Variants in CNTN6 observed in about 807,000 individuals in gnomAD.
CNTN6 encodes contactin 6.
In CNTN6, 137 loss-of-function variants were observed where a neutral mutation model predicts 122.8. The ratio of observed to expected loss-of-function variants is 1.12; its 90% CI spans 0.97 to 1.29. The LOEUF is 1.29. Ranked by LOEUF, CNTN6 falls within the 50% of genes most tolerant of loss-of-function variation. CNTN6 has a pLI of 0.00. For synonymous variants in CNTN6, 570 were observed against 426.0 expected (o/e 1.34, Z -4.16); for missense variants, 1,634 against 1,223.4 (o/e 1.34, Z -5.01).
At chr3:1,298,249 A>T (rs1042823650) in intron 7 of CNTN6, 7 of 373,342 alleles carry the variant, frequency 1.9e-5, no homozygotes, top group Non-Finnish European at 3.4e-5. Flanking sequence ...GCATAATGAG[A>T]CCCATTTAGG....
chr3:1,388,428 A>G (rs1459916684), intron 20 of CNTN6, among the ~76,000 whole-genome samples: 1 of 151,460 alleles, frequency 6.6e-6, no homozygotes, highest in African/African-American at 2.4e-5. Context: ...CCATCATCAA[A>G]GACCAAAAGT....
rs1259611658 is a variant in CNTN6, at chr3:1,300,386, C to A, written c.761+2395C>A. On this transcript the variant is annotated intron_variant, in intron 7 of 22. Coordinates refer to ENST00000446702, the MANE Select transcript of CNTN6 (RefSeq NM_001289080.2). The stretch of plus-strand genomic sequence containing the variant: ...GAATTCTCATCTTTCCCAGCCCAGT[C>A]CTGTTCTCTCTGTCTCAGGATTGAT... Among the ~76,000 whole-genome samples, 3 of 151,120 alleles carry A rather than the reference C, an allele frequency of 2.0e-5. No homozygotes were observed. The East Asian group carries it at 5.9e-4, about 30-fold the overall frequency.
intron 2 of CNTN6, among the ~76,000 whole-genome samples, chr3:1,169,426 G>T (rs1020813168): frequency 6.6e-6 from 1 of 152,128 alleles, no homozygotes; most frequent in African/African-American, 2.4e-5. Flanking sequence ...AATCCTCAAT[G>T]CTTGTGAGAT....
chr3:1,220,585 A>C, intron 2 of CNTN6, 102 bp from the exon 3 acceptor site: 2 of 1,011,892 alleles, frequency 2.0e-6, no homozygotes, highest in Non-Finnish European at 2.7e-6. Flanking sequence ...GTTTTAAAAT[A>C]AAATAATTTT....
At chr3:1,248,229 T>C (rs757287009) in intron 4 of CNTN6, among the ~76,000 whole-genome samples, 7 of 152,216 alleles carry the variant, frequency 4.6e-5, no homozygotes, top group Non-Finnish European at 1.0e-4. Flanking sequence ...AGTTCTCAAA[T>C]TGATGTAAGT....
At chr3:1,130,391 G>C (rs1043286182) in intron 1 of CNTN6, among the ~76,000 whole-genome samples, 8 of 152,192 alleles carry the variant, frequency 5.3e-5, no homozygotes, top group Non-Finnish European at 1.0e-4. Flanking sequence ...TAGGAAGCGT[G>C]CTTTCCTCCA....
chr3:1,294,105 T>C (rs1244791637), intron 5 of CNTN6, among the ~76,000 whole-genome samples: 1 of 152,278 alleles, frequency 6.6e-6, no homozygotes, highest in Admixed American at 6.5e-5. Context: ...CCTAGGAATC[T>C]AACCAAGAAA....
rs763516469 is a variant in CNTN6, at chr3:1,372,400, G to T, written c.1594G>T (p.Val532Leu). 2 of 1,613,156 alleles carry T rather than the reference G, an allele frequency of 1.2e-6. No homozygotes were observed. ...QVSHDPSIEV[V>L]FVWFFNGDVI... ...GTCCCATGACCCCTCCATTGAAGTG[G>T]TATTTGTATGGTTTTTCAATGGAGA... Residue 532 changes from valine to leucine, a missense_variant, in exon 13 of 23, where the codon GTA becomes TTA. Val to Leu is a conservative substitution (Grantham distance 32). Transcript: ENST00000446702.
At chr3:1,381,785 C>T (rs531802698) in intron 17 of CNTN6, among the ~76,000 whole-genome samples, 2 of 152,228 alleles carry the variant, frequency 1.3e-5, no homozygotes, top group African/African-American at 4.8e-5. Flanking sequence ...TTTTTGCCTG[C>T]TCTGTGTATA....
At chr3:1,337,455 A>G (rs1703235531) in intron 11 of CNTN6, among the ~76,000 whole-genome samples, 1 of 152,144 alleles carries the variant, frequency 6.6e-6, no homozygotes, top group South Asian at 2.1e-4. Flanking sequence ...TCAAGACAAC[A>G]TTAACCATTA....
intron 1 of CNTN6, among the ~76,000 whole-genome samples, chr3:1,099,311 T>C (rs192301307): frequency 0.012 from 1,843 of 150,772 alleles, 15 homozygotes; most frequent in African/African-American, 0.028. Context: ...ATTAGCAGGG[T>C]GTGGTGGCGG....
rs1704686504 is a variant in CNTN6, at chr3:1,346,311, T to C, written c.1365-6013T>C. On this transcript the variant is annotated intron_variant, in intron 11 of 22. Coordinates refer to ENST00000446702, the MANE Select transcript of CNTN6 (RefSeq NM_001289080.2). ...GGATTGTCCCCACTAAAACTCATAT[T>C]GAAATTTTATCTTCCATGTGGCAGT... 2.6e-5 allele frequency among the ~76,000 whole-genome samples: 4 copies of C among 152,128 alleles called. No individual in the cohort carries two copies. In the South Asian group the frequency reaches 8.3e-4, roughly 32 times the overall value.
chr3:1,372,256 T>A (rs963808633), intron 12 of CNTN6, 43 bp from the exon 13 acceptor site: 1 of 1,466,832 alleles, frequency 6.8e-7, no homozygotes, highest in Non-Finnish European at 9.3e-7. Flanking sequence ...AACCATAGGC[T>A]AGCATTTCAT....
At chr3:1,132,416 C>T (rs947171400) in intron 1 of CNTN6, among the ~76,000 whole-genome samples, 2 of 151,924 alleles carry the variant, frequency 1.3e-5, no homozygotes, top group African/African-American at 2.4e-5. Flanking sequence ...TGATGACACA[C>T]CAGAGATATA....
At chr3:1,118,390 C>T (rs1431766078) in intron 1 of CNTN6, among the ~76,000 whole-genome samples, 2 of 152,096 alleles carry the variant, frequency 1.3e-5, no homozygotes, top group Non-Finnish European at 2.9e-5. Flanking sequence ...AGAACAATTA[C>T]AGTTTTATTT....
intron 7 of CNTN6, among the ~76,000 whole-genome samples, chr3:1,316,379 T>C (rs1301006218): frequency 6.6e-6 from 1 of 151,824 alleles, no homozygotes; most frequent in Non-Finnish European, 1.5e-5. Context: ...AGCAGGCATG[T>C]CCTACATGGC....
intron 1 of CNTN6, among the ~76,000 whole-genome samples, chr3:1,113,504 C>T (rs1239443471): frequency 6.6e-6 from 1 of 152,084 alleles, no homozygotes; most frequent in East Asian, 1.9e-4. Flanking sequence ...ATGCGAACAA[C>T]TTCATTGTAA....
At chr3:1,401,691 T>C (rs1215075368) in intron 21 of CNTN6, 146 bp downstream of exon 21, 1 of 606,394 alleles carries the variant, frequency 1.6e-6, no homozygotes, top group Non-Finnish European at 2.9e-6. Flanking sequence ...TGCTGCTTTC[T>C]AATTTTCCAT....
intron 4 of CNTN6, among the ~76,000 whole-genome samples, chr3:1,261,980 T>G (rs1335538257): frequency 1.3e-5 from 2 of 152,140 alleles, no homozygotes; most frequent in Non-Finnish European, 2.9e-5. Context: ...TTACTGGATA[T>G]GCGACTGGAC....
Sources: gnomAD v4.1 joint callset for allele counts (sites outside exome capture counted in the v4.1 genomes callset) on GRCh38, gnomAD v4.1.1 for gene constraint, MANE v1.5 for transcripts, NCBI Gene and HGNC (gene_info 2026-07-23, HGNC 2026-07-21) for gene names.